NKAIN3: variants seen among roughly 807,000 people sequenced by gnomAD.
NKAIN3 encodes sodium/potassium-transporting ATPase subunit beta-1-interacting protein 3.
In NKAIN3, 25 loss-of-function variants were observed where a neutral mutation model predicts 30.2. The observed-to-expected ratio is 0.83, with a 90% CI of 0.60 to 1.16. The LOEUF (loss-of-function observed/expected upper bound fraction) is 1.16. Among genes scored for constraint, NKAIN3 ranks in the 50% most tolerant of loss-of-function variants. The probability of loss-of-function intolerance (pLI) is 0.00; values close to 1 mark genes in which losing one functional copy is unlikely to be tolerated. For missense variants in NKAIN3, 225 were observed against 254.1 expected (o/e 0.89, Z 0.78); for synonymous variants, 91 against 89.6 (o/e 1.02, Z -0.09).
At chr8:62,697,804 CA>C (rs1337233816) in intron 3 of NKAIN3, among the ~76,000 whole-genome samples, 1 of 152,054 alleles carries the variant, frequency 6.6e-6, no homozygotes, top group Non-Finnish European at 1.5e-5. Flanking sequence ...TTTTATTTTG[CA>C]AAAGATGTAA....
In NKAIN3 at chr8:62,822,747, A is replaced by G. The variant is rs148790488; in HGVS notation, c.471+75618A>G. ...TTTTGCCGAAGGTGTTTGCTAGTGA[A>G]TAAATGCAGTCGTGCATCACTTAAT... On this transcript the variant is annotated intron_variant, in intron 4 of 6. Transcript: ENST00000623646. 1.8e-4 allele frequency among the ~76,000 whole-genome samples: 28 copies of G among 152,312 alleles called. No homozygotes were observed. The East Asian group carries it at 5.4e-3, about 29-fold the overall frequency.
intron 4 of NKAIN3, among the ~76,000 whole-genome samples, chr8:62,881,106 A>G (rs1820965518): frequency 6.6e-6 from 1 of 152,238 alleles, no homozygotes; most frequent in Non-Finnish European, 1.5e-5. Context: ...TATATTGAAC[A>G]TCATCATTAC....
chr8:62,353,776 A>C (rs1056619401), intron 1 of NKAIN3, among the ~76,000 whole-genome samples: 2 of 152,162 alleles, frequency 1.3e-5, no homozygotes, highest in African/African-American at 4.8e-5. Flanking sequence ...TTCTTATCCC[A>C]TATGGAGAAT....
At chr8:62,482,755 C>T (rs1273686203) in intron 1 of NKAIN3, 1 of 152,192 alleles carries the variant, frequency 6.6e-6, no homozygotes, top group Non-Finnish European at 1.5e-5. Flanking sequence ...GCCGGCCGTG[C>T]TAGAGTTCAA....
chr8:62,505,176 T>A (rs959477476), intron 1 of NKAIN3, among the ~76,000 whole-genome samples: 3 of 152,226 alleles, frequency 2.0e-5, no homozygotes, highest in African/African-American at 7.2e-5. Flanking sequence ...TTACTGTGGC[T>A]ATGCACAAAA....
intron 4 of NKAIN3, among the ~76,000 whole-genome samples, chr8:62,752,359 G>T (rs1816309604): frequency 6.6e-6 from 1 of 152,102 alleles, no homozygotes; most frequent in South Asian, 2.1e-4. Flanking sequence ...GCTCCATTCT[G>T]GTGGCACTCC....
chr8:62,885,601 T>C (rs1434657494), intron 4 of NKAIN3, among the ~76,000 whole-genome samples: 1 of 152,194 alleles, frequency 6.6e-6, no homozygotes, highest in Non-Finnish European at 1.5e-5. Flanking sequence ...AGTACAATAG[T>C]GGATTTTTCT....
intron 3 of NKAIN3, among the ~76,000 whole-genome samples, chr8:62,601,286 C>T (rs1279709409): frequency 1.3e-5 from 2 of 151,896 alleles, no homozygotes; most frequent in Non-Finnish European, 2.9e-5. Context: ...CCTACCTGGA[C>T]ATTTTTCAAA....
intron 3 of NKAIN3, among the ~76,000 whole-genome samples, chr8:62,666,672 G>A (rs1242061626): frequency 6.6e-6 from 1 of 152,068 alleles, no homozygotes; most frequent in Admixed American, 6.5e-5. Flanking sequence ...TCTGTCCTGG[G>A]TTATTGTTCT....
chr8:62,779,486 A>G (rs1817291165), intron 4 of NKAIN3, among the ~76,000 whole-genome samples: 1 of 152,090 alleles, frequency 6.6e-6, no homozygotes. Flanking sequence ...CTGAGACAGC[A>G]CAGAACTGTG....
At chr8:62,362,727 C>A (rs969588610) in intron 1 of NKAIN3, among the ~76,000 whole-genome samples, 2 of 151,222 alleles carry the variant, frequency 1.3e-5, no homozygotes, top group African/African-American at 4.8e-5. Flanking sequence ...ATGAAGGATT[C>A]AAAAATCAGG....
chr8:62,506,476 C>CTTTTTTTTTT (rs71255341), intron 1 of NKAIN3, among the ~76,000 whole-genome samples: 4,071 of 98,248 alleles, frequency 0.041, 212 homozygotes, highest in African/African-American at 0.074. Flanking sequence ...TTCTTTCTTT[C>CTTTTTTTTTT]TTTTTTTTTT....
At chr8:62,574,824 C>T (rs71525494) in intron 1 of NKAIN3, among the ~76,000 whole-genome samples, 13,587 of 151,964 alleles carry the variant, frequency 0.089, 632 homozygotes, top group Middle Eastern at 0.16. Flanking sequence ...TTTATATACC[C>T]GTTGGCCATT....
chr8:62,890,127 TC>T (rs936441241), intron 4 of NKAIN3, among the ~76,000 whole-genome samples: 4 of 152,222 alleles, frequency 2.6e-5, no homozygotes, highest in Non-Finnish European at 4.4e-5. Context: ...CAACTACCCT[TC>T]TTCAATCAGT....
intron 4 of NKAIN3, among the ~76,000 whole-genome samples, chr8:62,831,750 T>C (rs1819204030): frequency 1.3e-5 from 2 of 152,130 alleles, no homozygotes; most frequent in African/African-American, 2.4e-5. Flanking sequence ...ATCTATGAAT[T>C]ATTAGAATTC....
chr8:62,856,079 A>T lies in NKAIN3; in HGVS notation c.472-62374A>T. ...AGGGCTTACACCCCATGAGCATCAAACCTGGATCATCAAACTGTTTTAACT... is the reference window on the plus strand; with the variant it reads ...AGGGCTTACACCCCATGAGCATCAATCCTGGATCATCAAACTGTTTTAACT... On this transcript the variant is annotated intron_variant, in intron 4 of 6. Coordinates refer to ENST00000623646, the MANE Select transcript of NKAIN3 (RefSeq NM_001304533.3). 4 of 703,808 alleles carry T rather than the reference A, an allele frequency of 5.7e-6. No homozygotes were observed. The South Asian group carries it at 6.1e-5, about 11-fold the overall frequency. 43.6% of individuals were successfully genotyped at this position (703,808 alleles called of 1,614,324 possible). A position where few individuals can be genotyped will look rare whatever the true frequency, so the allele number is the denominator to read the frequency against.
intron 1 of NKAIN3, among the ~76,000 whole-genome samples, chr8:62,290,155 G>T (rs934247204): frequency 6.6e-5 from 10 of 152,076 alleles, no homozygotes; most frequent in Middle Eastern, 3.2e-3. Flanking sequence ...GAGACGATGG[G>T]GTTTTCTAAA....
intron 4 of NKAIN3, chr8:62,855,672 G>A: frequency 8.1e-6 from 13 of 1,603,944 alleles, no homozygotes; most frequent in Non-Finnish European, 8.5e-6. Context: ...TGCAGCCCAG[G>A]GTTCTCAAAG....
At chr8:62,381,530 A>G (rs1471601704) in intron 1 of NKAIN3, among the ~76,000 whole-genome samples, 1 of 152,120 alleles carries the variant, frequency 6.6e-6, no homozygotes, top group African/African-American at 2.4e-5. Flanking sequence ...ATATACATAT[A>G]TATATTAGAA....
Sources: allele counts gnomAD v4.1 joint callset (sites outside exome capture counted in the v4.1 genomes callset), GRCh38; gene constraint gnomAD v4.1.1; transcripts MANE v1.5; gene names NCBI Gene and HGNC (gene_info 2026-07-23, HGNC 2026-07-21).